Variants in KLKB1 observed in about 807,000 individuals in gnomAD.
KLKB1 encodes the protein plasma kallikrein.
KLKB1 carries 58 observed loss-of-function variants against 73.6 expected under a neutral mutation model. The ratio of observed to expected loss-of-function variants is 0.79; its 90% CI spans 0.64 to 0.98. The LOEUF (loss-of-function observed/expected upper bound fraction) is 0.98, where lower values mean the gene tolerates loss of function less well. Among genes scored for constraint, KLKB1 ranks in the 50% least tolerant of loss-of-function variants. KLKB1 has a pLI of 0.00. For synonymous variants in KLKB1, 280 were observed against 258.1 expected (o/e 1.08, Z -0.81); for missense variants, 737 against 763.8 (o/e 0.96, Z 0.41).
intron 2 of KLKB1, among the ~76,000 whole-genome samples, chr4:186,219,745 C>CT (rs1335635695): frequency 1.3e-5 from 2 of 152,128 alleles, no homozygotes; most frequent in Non-Finnish European, 2.9e-5. Flanking sequence ...GTGGAGTGAC[C>CT]CAAACATTCA....
At position 186,257,348 on chromosome 4, in the gene KLKB1, G is replaced by A. The variant is rs1739055676; in HGVS notation, c.1708G>A (p.Gly570Arg). The change falls in exon 14 of 15, where the codon GGA (glycine) becomes AGA (arginine). Residue 570 changes from glycine to arginine, a missense_variant. Gly to Arg is a moderately radical substitution (Grantham distance 125). Transcript: ENST00000264690. ...RMVCAGYKEG[G>R]KDACKGDSGG... ...GGTCTGTGCTGGCTATAAAGAAGGG[G>A]GAAAAGATGCTTGTAAGGTAACTCA... 4.4e-6 allele frequency: 7 copies of A among 1,589,292 alleles called. No homozygotes were observed. Among genetic ancestry groups the A allele is most frequent in the Non-Finnish European group, 6.0e-6 (7 of 1,166,980 alleles).
intron 6 of KLKB1, among the ~76,000 whole-genome samples, chr4:186,245,652 A>T (rs1738290431): frequency 6.6e-6 from 1 of 152,100 alleles, no homozygotes; most frequent in East Asian, 1.9e-4. Context: ...TGTGTGCTGG[A>T]GATGTGGCTG....
At chr4:186,224,215 C>A (rs1316450909), upstream of KLKB1, among the ~76,000 whole-genome samples, 2 of 152,366 alleles carry the variant, frequency 1.3e-5, no homozygotes, top group East Asian at 3.9e-4. Context: ...TCATGGAGAA[C>A]CTCTATTAGG....
intron 5 of KLKB1, 63 bp downstream of exon 5, chr4:186,237,003 C>CT: frequency 6.5e-7 from 1 of 1,546,876 alleles, no homozygotes; most frequent in Non-Finnish European, 8.9e-7. Context: ...CTGTATTCTT[C>CT]TTAACCTCTT....
intron 3 of KLKB1, among the ~76,000 whole-genome samples, chr4:186,233,222 A>G (rs545176225): frequency 1.1e-4 from 16 of 152,284 alleles, no homozygotes; most frequent in African/African-American, 3.6e-4. Context: ...GGTAATTACA[A>G]TTTTTATTAG....
chr4:186,251,573 C>T lies in KLKB1; in HGVS notation c.955C>T (p.Gln319Ter). 3 of 1,613,932 alleles carry T rather than the reference C, an allele frequency of 1.9e-6. No individual in the cohort carries two copies. Among genetic ancestry groups the T allele is most frequent in the Non-Finnish European group, 1.7e-6 (2 of 1,179,832 alleles). The change falls in exon 9 of 15, where the codon CAA becomes TAA. Residue 319 changes from glutamine (Q) to a stop codon, truncating the protein, a stop_gained. Coordinates refer to ENST00000264690, the MANE Select transcript of KLKB1 (RefSeq NM_000892.5). LOFTEE classifies it high-confidence loss of function. Reference sequence around the variant, plus strand: ...TTTTGTTAAAGGAGTGAATGTTTGCCAAGAGACTTGCACAAAGATGATTCG... The same window carrying T: ...TTTTGTTAAAGGAGTGAATGTTTGCTAAGAGACTTGCACAAAGATGATTCG... The part of the protein sequence containing the change: ...VTFVKGVNVC[Q>*]ETCTKMIRCQ...
chr4:186,243,646 T>C (rs529287834), intron 6 of KLKB1, among the ~76,000 whole-genome samples: 2 of 152,294 alleles, frequency 1.3e-5, no homozygotes, highest in South Asian at 2.1e-4. Flanking sequence ...GGAGAACCCT[T>C]GTGTAGTGAG....
intron 12 of KLKB1, among the ~76,000 whole-genome samples, chr4:186,255,545 T>A (rs1738953435): frequency 1.3e-5 from 2 of 152,216 alleles, no homozygotes; most frequent in African/African-American, 2.4e-5. Flanking sequence ...CAAACAATTA[T>A]GTGACCTCGG....
intron 4 of KLKB1, among the ~76,000 whole-genome samples, chr4:186,236,159 T>C (rs1262332658): frequency 2.0e-5 from 3 of 150,538 alleles, no homozygotes; most frequent in Non-Finnish European, 2.9e-5. Flanking sequence ...TCACTGTCTG[T>C]GAAAAGAATT....
intron 2 of KLKB1, among the ~76,000 whole-genome samples, chr4:186,230,957 A>G (rs1737372934): frequency 6.6e-6 from 1 of 152,170 alleles, no homozygotes; most frequent in African/African-American, 2.4e-5. Context: ...ACTTGAAGAG[A>G]TCTGTGCTCT....
In KLKB1 at chr4:186,258,138, G is replaced by T. The variant is rs751164684; in HGVS notation, c.1843G>T (p.Ala615Ser). 1.9e-6 allele frequency: 3 copies of T among 1,614,068 alleles called. No homozygotes were observed. The highest frequency in any genetic ancestry group is 1.1e-5 in the South Asian group (1 of 91,092). The change falls in exon 15 of 15, where the codon GCT becomes TCT. Residue 615 changes from alanine to serine, a missense_variant. Transcript: ENST00000264690. ...GCAACCTGGTGTCTACACCAAAGTC[G>T]CTGAGTACATGGACTGGATTTTAGA... is the stretch of plus-strand genomic sequence containing the variant. ...REQPGVYTKV[A>S]EYMDWILEKT...
intron 6 of KLKB1, among the ~76,000 whole-genome samples, chr4:186,243,489 CT>C (rs1738163614): frequency 2.0e-5 from 3 of 152,200 alleles, no homozygotes; most frequent in Non-Finnish European, 4.4e-5. Flanking sequence ...GGAATGCTCG[CT>C]GCTTTTTTAG....
intron 6 of KLKB1, among the ~76,000 whole-genome samples, chr4:186,243,102 A>G (rs751435304): frequency 6.6e-6 from 1 of 152,300 alleles, no homozygotes; most frequent in Middle Eastern, 3.4e-3. Flanking sequence ...GTATGTGAGT[A>G]AAGTCAATCT....
At chr4:186,250,186 A>T in intron 6 of KLKB1, 57 bp from the exon 7 acceptor site, 1 of 1,511,754 alleles carries the variant, frequency 6.6e-7, no homozygotes, top group East Asian at 2.3e-5. Context: ...ACAAAATACA[A>T]GCAAATTTAG....
rs1186013559 is a variant in KLKB1 at position 186,236,828 on chromosome 4, T to G, written c.376T>G (p.Phe126Val). 6.2e-7 allele frequency: 1 copy of G among 1,613,892 alleles called. No homozygotes were observed. The highest frequency in any genetic ancestry group is 8.5e-7 in the Non-Finnish European group (1 of 1,179,972). Reference sequence around the variant, plus strand: ...AGGAGTTGATATGAGAGGAGTCAATTTTAATGTGTCTAAGGTTAGCAGTGT... The same window carrying G: ...AGGAGTTGATATGAGAGGAGTCAATGTTAATGTGTCTAAGGTTAGCAGTGT... ...YKGVDMRGVN[F>V]NVSKVSSVEE... The change falls in exon 5 of 15, where the codon TTT becomes GTT. Residue 126 changes from phenylalanine to valine, a missense_variant. By Grantham distance (50) the Phe-to-Val change is conservative (BLOSUM62 -1). Coordinates refer to ENST00000264690, the MANE Select transcript of KLKB1 (RefSeq NM_000892.5).
chr4:186,238,692 CT>C (rs1379916539), intron 6 of KLKB1, among the ~76,000 whole-genome samples: 1 of 152,182 alleles, frequency 6.6e-6, no homozygotes, highest in Non-Finnish European at 1.5e-5. Flanking sequence ...TGCAGGCGGC[CT>C]CTAGAAGTTG....
At chr4:186,220,766 T>G (rs576353498) in intron 2 of KLKB1, among the ~76,000 whole-genome samples, 1 of 152,360 alleles carries the variant, frequency 6.6e-6, no homozygotes, top group South Asian at 2.1e-4. Flanking sequence ...TCTATAATTT[T>G]AATTTTATTT....
At chr4:186,249,840 A>G (rs4253372) in intron 6 of KLKB1, among the ~76,000 whole-genome samples, 1 of 152,254 alleles carries the variant, frequency 6.6e-6, no homozygotes, top group Non-Finnish European at 1.5e-5. Flanking sequence ...TAATAGGCAC[A>G]AGGCATTTTT....
chr4:186,216,291 A>G (rs1736900270), intron 2 of KLKB1, among the ~76,000 whole-genome samples: 2 of 152,190 alleles, frequency 1.3e-5, no homozygotes, highest in Non-Finnish European at 2.9e-5. Flanking sequence ...GCCAAGTTCT[A>G]TTGAGGGAGC....
Sources: gnomAD v4.1 joint callset for allele counts (sites outside exome capture counted in the v4.1 genomes callset) on GRCh38, gnomAD v4.1.1 for gene constraint, MANE v1.5 for transcripts, NCBI Gene and HGNC (gene_info 2026-07-23, HGNC 2026-07-21) for gene names.